Variants in ARID1B observed in about 807,000 individuals in gnomAD.
The protein encoded by ARID1B is AT-rich interactive domain-containing protein 1B.
ARID1B carries 30 observed loss-of-function variants against 212.3 expected under a neutral mutation model. The ratio of observed to expected loss-of-function variants is 0.14; its 90% CI spans 0.11 to 0.19. The LOEUF is 0.19. ARID1B is among the 10% of genes least tolerant of loss of function. ARID1B has a pLI of 1.00. For synonymous variants in ARID1B, 1,402 were observed against 1,301.7 expected, an observed-to-expected ratio of 1.08 and a Z score of -1.66; for missense variants, 2,891 against 3,204.0, an observed-to-expected ratio of 0.90 and a Z score of 2.36.
At chr6:156,915,483 G>T (rs955697733) in intron 3 of ARID1B, among the ~76,000 whole-genome samples, 1 of 151,922 alleles carries the variant, frequency 6.6e-6, no homozygotes, top group African/African-American at 2.4e-5. Flanking sequence ...GAGGAGAATC[G>T]CTTGAACCCA....
intron 4 of ARID1B, among the ~76,000 whole-genome samples, chr6:156,989,784 G>C (rs1191066584): frequency 1.3e-5 from 2 of 152,210 alleles, no homozygotes; most frequent in African/African-American, 4.8e-5. Context: ...GCTGATGGCG[G>C]GGATAGTTGA....
intron 4 of ARID1B, among the ~76,000 whole-genome samples, chr6:157,076,636 A>T (rs1784329024): frequency 6.6e-6 from 1 of 151,892 alleles, no homozygotes; most frequent in Non-Finnish European, 1.5e-5. Flanking sequence ...TTTTTTTACC[A>T]TGAGAGATGG....
intron 4 of ARID1B, chr6:156,976,412 G>A (rs571252457): frequency 1.9e-4 from 33 of 173,096 alleles, no homozygotes; most frequent in Middle Eastern, 2.5e-3. Flanking sequence ...GGATTATGCG[G>A]GGTGGAGTTG....
At chr6:157,144,571 T>A (rs1789588223) in intron 7 of ARID1B, among the ~76,000 whole-genome samples, 1 of 152,194 alleles carries the variant, frequency 6.6e-6, no homozygotes, top group African/African-American at 2.4e-5. Flanking sequence ...TCTTATCAGA[T>A]CATCTGGAAG....
intron 4 of ARID1B, among the ~76,000 whole-genome samples, chr6:157,066,387 T>C (rs374778629): frequency 6.6e-6 from 1 of 152,370 alleles, no homozygotes; most frequent in African/African-American, 2.4e-5. Context: ...AACTGTTTTC[T>C]GAGGACTGTA....
At chr6:157,080,898 G>C (rs555210050) in intron 4 of ARID1B, among the ~76,000 whole-genome samples, 1 of 152,292 alleles carries the variant, frequency 6.6e-6, no homozygotes, top group South Asian at 2.1e-4. Context: ...ATTAATCATC[G>C]ATAGTAGAAG....
In ARID1B at chr6:156,881,252, A is replaced by G. The variant is rs9480398; in HGVS notation, c.1987-20124A>G. The stretch of plus-strand genomic sequence containing the variant: ...CTCACTCAGGCAGTCACAATTTGGT[A>G]CTAGGAGAGCCAGAAGTTGCTTTTC... On this transcript the variant is annotated intron_variant, in intron 2 of 19. Coordinates refer to ENST00000636930, the MANE Select transcript of ARID1B (RefSeq NM_001374828.1). 5.8e-3 allele frequency among the ~76,000 whole-genome samples: 877 copies of G among 152,302 alleles called. 12 individuals carry two copies. Among genetic ancestry groups the G allele is most frequent in the African/African-American group, 0.02 (830 of 41,558 alleles).
In ARID1B at chr6:157,203,712, G is replaced by A. The variant is rs185512100; in HGVS notation, c.5264-154G>A. On this transcript the variant is annotated intron_variant, in intron 18 of 19. Coordinates refer to ENST00000636930, the MANE Select transcript of ARID1B (RefSeq NM_001374828.1). This position sits in a 1 kb window ranked among gnomAD's most constrained non-coding sequence, Gnocchi z 4.4. The stretch of plus-strand genomic sequence containing the variant: ...ACAGCTATGGCCTCCATTTAAAATC[G>A]GAAATGATCACGCTTAACTGTCCTT... The A allele has an allele frequency of 9.5e-5, 91 of 959,442 alleles. No individual in the cohort carries two copies. The highest frequency in any genetic ancestry group is 7.2e-4 in the South Asian group (43 of 59,692). The allele number at this position is 959,442 out of a possible 1,614,324, so 59.4% of individuals were successfully genotyped here. A position where few individuals can be genotyped will look rare whatever the true frequency, so the allele number is the denominator to read the frequency against.
chr6:156,922,959 C>T (rs1412369908), intron 3 of ARID1B, among the ~76,000 whole-genome samples: 2 of 152,200 alleles, frequency 1.3e-5, no homozygotes, highest in African/African-American at 2.4e-5. Context: ...AAGTAGTCTG[C>T]TTCTTGGTTG....
chr6:156,976,686 C>T (rs578018854), intron 4 of ARID1B: 39 of 357,926 alleles, frequency 1.1e-4, no homozygotes, highest in South Asian at 6.8e-4. Context: ...CAGTAAACTG[C>T]GCTGCTGCTC....
At chr6:156,787,285 A>G (rs2115131910) in intron 1 of ARID1B, among the ~76,000 whole-genome samples, 1 of 152,314 alleles carries the variant, frequency 6.6e-6, no homozygotes, top group South Asian at 2.1e-4. Flanking sequence ...GTAACTGTTT[A>G]GATAATGTAT....
At chr6:156,906,711 T>TTC (rs1789422819) in intron 3 of ARID1B, among the ~76,000 whole-genome samples, 1 of 152,178 alleles carries the variant, frequency 6.6e-6, no homozygotes, top group Non-Finnish European at 1.5e-5. Flanking sequence ...CTGCCTGGTT[T>TTC]TCCAATGCTT....
At chr6:156,898,251 G>A (rs547631015) in intron 2 of ARID1B, among the ~76,000 whole-genome samples, 2 of 152,244 alleles carry the variant, frequency 1.3e-5, no homozygotes, top group African/African-American at 2.4e-5. Flanking sequence ...AGAATGAAAC[G>A]ACTTAAAAAC....
chr6:156,844,894 A>G (rs1784127775), intron 2 of ARID1B, among the ~76,000 whole-genome samples: 1 of 152,308 alleles, frequency 6.6e-6, no homozygotes, highest in East Asian at 1.9e-4. Flanking sequence ...CGTTTTAAGA[A>G]ATGTATACAT....
rs754303482 is a variant in ARID1B at position 157,184,376 on chromosome 6, C to T, written c.3860C>T (p.Pro1287Leu). The T allele has an allele frequency of 3.7e-6, 6 of 1,614,030 alleles. No individual in the cohort carries two copies. Among genetic ancestry groups the T allele is most frequent in the African/African-American group, 2.7e-5 (2 of 74,912 alleles). Residue 1287 changes from proline to leucine, a missense_variant, in exon 13 of 20, where the codon CCG (proline) becomes CTG (leucine). By Grantham distance (98) the Pro-to-Leu change is moderately conservative (BLOSUM62 -3). This residue lies in a region of ARID1B where 666 missense variants were observed against 873.5 expected (regional missense o/e 0.76). Transcript: ENST00000636930. The stretch of plus-strand genomic sequence containing the variant: ...ATCGAACGTGGGGAGGAGCCCCCGC[C>T]GGAAGTCTTCAGCACCGGGGACACC... ...CKIERGEEPPPEVFSTGDTKK... is the reference protein window; with the variant it reads ...CKIERGEEPPLEVFSTGDTKK...
At chr6:156,782,921 C>A (rs891013411) in intron 1 of ARID1B, among the ~76,000 whole-genome samples, 2 of 150,118 alleles carry the variant, frequency 1.3e-5, no homozygotes, top group Admixed American at 6.6e-5. Context: ...GGCTTAAAAT[C>A]GTTTTCATTG....
At chr6:156,884,619 G>A (rs901612164) in intron 2 of ARID1B, among the ~76,000 whole-genome samples, 1 of 152,196 alleles carries the variant, frequency 6.6e-6, no homozygotes, top group African/African-American at 2.4e-5. Flanking sequence ...TGGATGCTGT[G>A]TGTGGGCTAA....
At chr6:157,088,059 T>A (rs59359220) in intron 5 of ARID1B, among the ~76,000 whole-genome samples, 1 of 152,244 alleles carries the variant, frequency 6.6e-6, no homozygotes, top group Admixed American at 6.5e-5. Context: ...TTATTTTCCC[T>A]CTTTTTGCCT....
chr6:157,150,429 A>C (rs1249901404), intron 8 of ARID1B: 2 of 152,410 alleles, frequency 1.3e-5, no homozygotes, highest in African/African-American at 4.8e-5. Flanking sequence ...GCTCACCAGG[A>C]GTTTAAATGG....
Sources: gnomAD v4.1 joint callset for allele counts (sites outside exome capture counted in the v4.1 genomes callset) on GRCh38, gnomAD v4.1.1 for gene constraint, gnomAD v4.1.1 regional missense constraint, Gnocchi (gnomAD v3.1) non-coding constraint, MANE v1.5 for transcripts, NCBI Gene and HGNC (gene_info 2026-07-23, HGNC 2026-07-21) for gene names.